Variants in URB1 observed in about 807,000 individuals in gnomAD.
URB1 encodes URB1 ribosome biogenesis factor.
Under a neutral mutation model 242.3 loss-of-function variants are expected in URB1, and 197 were observed. The ratio of observed to expected loss-of-function variants is 0.81; its 90% confidence interval spans 0.72 to 0.91. The LOEUF (loss-of-function observed/expected upper bound fraction) is 0.91. Ranked by LOEUF, URB1 falls within the 40% of genes least tolerant of loss-of-function variation. URB1 has a pLI of 0.00. For missense variants in URB1, 2,721 were observed against 2,860.5 expected, an observed-to-expected ratio of 0.95 and a Z score of 1.11; for synonymous variants, 1,153 against 1,201.8, an observed-to-expected ratio of 0.96 and a Z score of 0.84.
chr21:32,384,171 G>A (rs908242385), intron 3 of URB1, 142 bp downstream of exon 3: 4 of 1,043,394 alleles, frequency 3.8e-6, no homozygotes, highest in Admixed American at 5.7e-5. Context: ...AAGGAAGGGG[G>A]CAGAGACTCG....
At chr21:32,362,101 G>A (rs8127715) in intron 11 of URB1, 80 bp from the exon 12 acceptor site, 159,850 of 1,488,718 alleles carry the variant, frequency 0.11, 10,064 homozygotes, top group African/African-American at 0.27. Context: ...TTAACAAGAT[G>A]CAAAAAACAG....
chr21:32,345,318 A>G, intron 23 of URB1, 56 bp downstream of exon 23: 1 of 1,084,566 alleles, frequency 9.2e-7, no homozygotes, highest in Non-Finnish European at 1.3e-6. Flanking sequence ...TCTATGAATT[A>G]AAAAAAAAAT....
At chr21:32,381,545 A>G (rs891776509) in intron 4 of URB1, among the ~76,000 whole-genome samples, 1 of 152,180 alleles carries the variant, frequency 6.6e-6, no homozygotes, top group South Asian at 2.1e-4. Context: ...AAGATATTTA[A>G]GAAACATATC....
intron 20 of URB1, 53 bp downstream of exon 20, chr21:32,350,651 A>G: frequency 6.5e-7 from 1 of 1,531,078 alleles, no homozygotes; most frequent in East Asian, 2.5e-5. Flanking sequence ...GAGAAGGCTT[A>G]GCTCTCTGGT....
Position 32,312,086 on chromosome 21 carries a change from G to C in URB1, c.*2832C>G, listed in dbSNP as rs1453794154. ...TCCTCGTTCTTCTTAGAGGCCATTT[G>C]CATGTAGCAGAAAGGGCACCTAGGT... On this transcript the variant is annotated 3_prime_UTR_variant, in exon 39 of 39. Transcript: ENST00000382751. 1.3e-6 allele frequency: 2 copies of C among 1,594,690 alleles called. No individual in the cohort carries two copies.
In URB1 at chr21:32,363,271, C is replaced by A. The variant is rs549659127; in HGVS notation, c.1394G>T (p.Arg465Met). Residue 465 changes from arginine (R) to methionine (M), a missense_variant, in exon 11 of 39, where the codon AGG (arginine) becomes ATG (methionine). Arg to Met is a moderately conservative substitution (Grantham distance 91). Transcript: ENST00000382751. The part of the protein sequence containing the change: ...ALSLISVILK[R>M]ALKTVDHCLN... ...GCAGTGGTCAACAGTTTTTAATGCC[C>A]TCTTCAAAATGACAGAAATAAGGGA... is the stretch of plus-strand genomic sequence containing the variant. The A allele has an allele frequency of 1.6e-5, 25 of 1,551,848 alleles. No homozygotes were observed. In the East Asian group the frequency reaches 5.6e-4, roughly 35 times the overall value.
intron 19 of URB1, among the ~76,000 whole-genome samples, chr21:32,351,954 C>T (rs935744975): frequency 6.6e-6 from 1 of 152,132 alleles, no homozygotes; most frequent in African/African-American, 2.4e-5. Context: ...GTGAGAGTCC[C>T]GGCCTACTTC....
At chr21:32,392,285 TCAACTGA>T (rs1356007745) in intron 1 of URB1, among the ~76,000 whole-genome samples, 1 of 152,168 alleles carries the variant, frequency 6.6e-6, no homozygotes, top group Non-Finnish European at 1.5e-5. Flanking sequence ...CCATTCCTGG[TCAACTGA>T]CAAGTAGCTG....
chr21:32,322,354 C>T, intron 33 of URB1, 124 bp downstream of exon 33: 1 of 886,312 alleles, frequency 1.1e-6, no homozygotes, highest in Non-Finnish European at 1.8e-6. Context: ...TGCGTGGCCA[C>T]CGACTGCACA....
At chr21:32,345,611 C>A in intron 22 of URB1, 36 bp from the exon 23 acceptor site, 1 of 1,499,862 alleles carries the variant, frequency 6.7e-7, no homozygotes, top group Non-Finnish European at 9.0e-7. Context: ...TCATCACACC[C>A]AATGGTGGGC....
In URB1 at chr21:32,311,932, C is replaced by T. The variant is rs1209634708; in HGVS notation, c.*2986G>A. The T allele has an allele frequency of 6.2e-7, 1 of 1,613,674 alleles. No homozygotes were observed. The highest frequency in any genetic ancestry group is 8.5e-7 in the Non-Finnish European group (1 of 1,180,028). ...TGGGAACTGACCCTCAATGGGGGTC[C>T]CCTCGTCAGGAGCAAGCCCAGCGAG... On this transcript the variant is annotated 3_prime_UTR_variant, in exon 39 of 39. Transcript: ENST00000382751.
intron 30 of URB1, among the ~76,000 whole-genome samples, chr21:32,328,320 TAG>T (rs1352247008): frequency 6.6e-6 from 1 of 152,154 alleles, no homozygotes; most frequent in African/African-American, 2.4e-5. Context: ...TTATTTTTAG[TAG>T]AGACGGGGTT....
intron 7 of URB1, among the ~76,000 whole-genome samples, chr21:32,373,197 T>C (rs1327669280): frequency 6.6e-6 from 1 of 152,084 alleles, no homozygotes; most frequent in African/African-American, 2.4e-5. Context: ...ATTATATATG[T>C]CAGTAGGTGA....
intron 25 of URB1, among the ~76,000 whole-genome samples, chr21:32,340,440 C>G (rs1040295502): frequency 6.6e-6 from 1 of 152,118 alleles, no homozygotes; most frequent in Admixed American, 6.6e-5. Context: ...GGTGAAACCA[C>G]GTCTCTACTA....
chr21:32,384,395 C>T lies in URB1; in HGVS notation c.352G>A (p.Val118Ile). Residue 118 changes from valine to isoleucine, a missense_variant, in exon 3 of 39, where the codon GTT becomes ATT. Physicochemically the swap from Val to Ile is conservative, Grantham distance 29. Transcript: ENST00000382751. ...TTTTTCACAATGTTGGTTCCCACAA[C>T]ATGGAAATGTGAAAGATCACTTGCT... ...RTASDLSHFH[V>I]VGTNIVKKLM... 1 of 1,552,186 alleles carries T rather than the reference C, an allele frequency of 6.4e-7. No individual in the cohort carries two copies. Among genetic ancestry groups the T allele is most frequent in the Non-Finnish European group, 8.7e-7 (1 of 1,147,068 alleles).
chr21:32,315,332 AAGAC>A (rs1267464251), intron 38 of URB1, among the ~76,000 whole-genome samples: 87 of 150,842 alleles, frequency 5.8e-4, no homozygotes, highest in African/African-American at 2.0e-3. Context: ...AAAAAAAAAA[AAGAC>A]AGGGTCTCAC....
In URB1 at chr21:32,345,357, A is replaced by G. The variant is rs904078562; in HGVS notation, c.4070+17T>C. 38 of 1,548,718 alleles carry G rather than the reference A, an allele frequency of 2.5e-5. No individual in the cohort carries two copies. The African/African-American group carries it at 4.4e-4, about 18-fold the overall frequency. ...ACCGAGAGTGGAACATCCTGCAACCAACCTGAGCCTTCATACCTCTTGTGA... is the reference window on the plus strand; with the variant it reads ...ACCGAGAGTGGAACATCCTGCAACCGACCTGAGCCTTCATACCTCTTGTGA... On this transcript the variant is annotated intron_variant, in intron 23 of 38. Transcript: ENST00000382751.
At chr21:32,391,505 T>C (rs972517976) in intron 1 of URB1, among the ~76,000 whole-genome samples, 6 of 152,156 alleles carry the variant, frequency 3.9e-5, no homozygotes, top group African/African-American at 1.4e-4. Flanking sequence ...ACTGTATGTA[T>C]GTGATTTTAC....
intron 4 of URB1, among the ~76,000 whole-genome samples, chr21:32,379,421 A>G (rs762247815): frequency 6.6e-6 from 1 of 152,256 alleles, no homozygotes. Context: ...AAATAAGTTA[A>G]TATCACAACA....
Sources: gnomAD v4.1 joint callset for allele counts (sites outside exome capture counted in the v4.1 genomes callset) on GRCh38, gnomAD v4.1.1 for gene constraint, MANE v1.5 for transcripts, NCBI Gene and HGNC (gene_info 2026-07-23, HGNC 2026-07-21) for gene names.